RBFOX1: variants seen among roughly 807,000 people sequenced by gnomAD.
The protein encoded by RBFOX1 is RNA binding protein fox-1 homolog 1.
RBFOX1 carries 8 observed loss-of-function variants against 57.7 expected under a neutral mutation model. The ratio of observed to expected loss-of-function variants is 0.14; its 90% CI spans 0.08 to 0.25. The LOEUF is 0.25. Ranked by LOEUF, RBFOX1 falls within the 10% of genes least tolerant of loss-of-function variation. RBFOX1 has a pLI of 1.00. For missense variants in RBFOX1, 611 were observed against 548.5 expected (o/e 1.11, Z -1.14); for synonymous variants, 326 against 222.4 (o/e 1.47, Z -4.15).
intron 1 of RBFOX1, among the ~76,000 whole-genome samples, chr16:5,299,967 T>C (rs1197995381): frequency 6.6e-6 from 1 of 152,160 alleles, no homozygotes; most frequent in Admixed American, 6.5e-5. Context: ...TTTCCTTTTA[T>C]TCCTAGTTTC....
At chr16:7,651,178 C>A (rs3785223) in intron 11 of RBFOX1, among the ~76,000 whole-genome samples, 3 of 152,240 alleles carry the variant, frequency 2.0e-5, no homozygotes, top group African/African-American at 4.8e-5. Context: ...TAGAAAGATG[C>A]GGTAGAATCC....
At chr16:5,755,053 C>G (rs1359680904) in intron 3 of RBFOX1, among the ~76,000 whole-genome samples, 16 of 38,950 alleles carry the variant, frequency 4.1e-4, no homozygotes, top group African/African-American at 1.4e-3. Context: ...GAGGTCCCTG[C>G]GGCCTTCCGC....
At chr16:5,372,482 G>A (rs1024054280) in intron 1 of RBFOX1, among the ~76,000 whole-genome samples, 2 of 152,126 alleles carry the variant, frequency 1.3e-5, no homozygotes, top group African/African-American at 4.8e-5. Context: ...AGAAGATGAA[G>A]AAAAGAAATG....
intron 3 of RBFOX1, among the ~76,000 whole-genome samples, chr16:7,048,201 T>G (rs116804900): frequency 1.3e-5 from 2 of 151,984 alleles, no homozygotes; most frequent in Non-Finnish European, 2.9e-5. Context: ...TTTATTTTTT[T>G]AAAAAAATTT....
intron 4 of RBFOX1, among the ~76,000 whole-genome samples, chr16:7,140,264 G>T (rs1257387941): frequency 6.4e-5 from 3 of 47,070 alleles, no homozygotes; most frequent in Admixed American, 3.0e-4. Context: ...TTTTTTAAAT[G>T]GCTTTTTTTT....
At chr16:5,807,900 G>C (rs1018583800) in intron 3 of RBFOX1, among the ~76,000 whole-genome samples, 1 of 152,186 alleles carries the variant, frequency 6.6e-6, no homozygotes, top group African/African-American at 2.4e-5. Flanking sequence ...ACACTTTCCA[G>C]AACCACATCC....
chr16:5,753,394 A>C (rs1172991541), intron 3 of RBFOX1, among the ~76,000 whole-genome samples: 1 of 152,216 alleles, frequency 6.6e-6, no homozygotes, highest in African/African-American at 2.4e-5. Context: ...ACTCAAAAAA[A>C]TTTAGAATAT....
chr16:7,525,937 C>T (rs756688815), intron 5 of RBFOX1, among the ~76,000 whole-genome samples: 4 of 152,122 alleles, frequency 2.6e-5, no homozygotes, highest in Admixed American at 6.5e-5. Flanking sequence ...CAGCTGTCTT[C>T]TAAAATAGGG....
intron 4 of RBFOX1, among the ~76,000 whole-genome samples, chr16:7,454,713 C>G (rs1364007815): frequency 1.3e-5 from 2 of 152,168 alleles, no homozygotes; most frequent in Admixed American, 6.5e-5. Context: ...TTATCTAAGC[C>G]AAGATCCAAC....
chr16:6,525,871 A>G (rs982625753), intron 2 of RBFOX1, among the ~76,000 whole-genome samples: 25 of 152,044 alleles, frequency 1.6e-4, no homozygotes, highest in Non-Finnish European at 3.7e-4. Context: ...TGAATTTTGA[A>G]GTAGACACAA....
At chr16:6,447,437 G>A (rs914823468) in intron 2 of RBFOX1, among the ~76,000 whole-genome samples, 1 of 152,184 alleles carries the variant, frequency 6.6e-6, no homozygotes, top group Non-Finnish European at 1.5e-5. Flanking sequence ...TAAAAATGAG[G>A]TAGGCGTTAA....
intron 3 of RBFOX1, among the ~76,000 whole-genome samples, chr16:7,034,848 C>CTTTTCTTTTTT (rs1412479062): frequency 5.5e-3 from 170 of 30,720 alleles, no homozygotes; most frequent in East Asian, 0.045. Flanking sequence ...TTTCTTTTTT[C>CTTTTCTTTTTT]TTTTTTTTTT....
chr16:6,728,994 T>C (rs1345258932), intron 3 of RBFOX1, among the ~76,000 whole-genome samples: 1 of 152,222 alleles, frequency 6.6e-6, no homozygotes, highest in Non-Finnish European at 1.5e-5. Flanking sequence ...AGCATTCATT[T>C]TTGTTAATAC....
intron 1 of RBFOX1, among the ~76,000 whole-genome samples, chr16:5,454,107 G>C (rs2068509455): frequency 6.6e-6 from 1 of 152,224 alleles, no homozygotes; most frequent in Non-Finnish European, 1.5e-5. Context: ...AGGAGTTTGG[G>C]TTTTATTTGA....
chr16:7,041,549 A>T (rs988044708), intron 3 of RBFOX1, among the ~76,000 whole-genome samples: 1 of 152,154 alleles, frequency 6.6e-6, no homozygotes, highest in Admixed American at 6.5e-5. Context: ...AGTGATTCCT[A>T]GAATACTAAC....
chr16:7,638,912 T>A (rs76466374), intron 11 of RBFOX1, among the ~76,000 whole-genome samples: 3,886 of 151,526 alleles, frequency 0.026, 75 homozygotes, highest in South Asian at 0.11. Flanking sequence ...GGGGTGGAAA[T>A]AAGGAAAATT....
intron 5 of RBFOX1, among the ~76,000 whole-genome samples, chr16:7,555,872 C>T (rs910739082): frequency 9.2e-5 from 14 of 152,168 alleles, no homozygotes; most frequent in Admixed American, 9.2e-4. Flanking sequence ...CCTATGCTTC[C>T]AACATGCTCT....
At chr16:6,584,275 A>G (rs902071078) in intron 2 of RBFOX1, among the ~76,000 whole-genome samples, 2 of 151,342 alleles carry the variant, frequency 1.3e-5, no homozygotes, top group African/African-American at 4.8e-5. Context: ...CACTTTCACT[A>G]TTTGGAGCTC....
At chr16:6,272,357 C>A (rs2075302977) in intron 1 of RBFOX1, among the ~76,000 whole-genome samples, 3 of 152,138 alleles carry the variant, frequency 2.0e-5, no homozygotes, top group Admixed American at 2.0e-4. Flanking sequence ...ATTAAAAATG[C>A]AATGTCATGT....
Sources: allele counts gnomAD v4.1 joint callset (sites outside exome capture counted in the v4.1 genomes callset), GRCh38; gene constraint gnomAD v4.1.1; transcripts MANE v1.5; gene names NCBI Gene and HGNC (gene_info 2026-07-23, HGNC 2026-07-21).